MEGF10: variants seen among roughly 807,000 people sequenced by gnomAD.
MEGF10 encodes the protein multiple EGF like domains 10.
In MEGF10, 86 loss-of-function variants were observed where a neutral mutation model predicts 147.5. The observed-to-expected ratio is 0.58, with a 90% confidence interval of 0.49 to 0.70. The LOEUF is 0.70. Ranked by LOEUF, MEGF10 falls within the 30% of genes least tolerant of loss-of-function variation. MEGF10 has a pLI of 0.00. For missense variants in MEGF10, 1,329 were observed against 1,487.3 expected (o/e 0.89, Z 1.75); for synonymous variants, 478 against 525.5 (o/e 0.91, Z 1.24).
chr5:127,310,014 CTTT>C (rs748228107), intron 1 of MEGF10, among the ~76,000 whole-genome samples: 1,102 of 52,862 alleles, frequency 0.021, 306 homozygotes, highest in Non-Finnish European at 0.033. Context: ...TCCTTCCTTT[CTTT>C]TTTTCTTTCT....
intron 14 of MEGF10, 93 bp from the exon 15 acceptor site, chr5:127,434,594 T>A (rs1263475975): frequency 7.2e-7 from 1 of 1,382,958 alleles, no homozygotes; most frequent in East Asian, 2.5e-5. Context: ...AGGTTTTGCT[T>A]TTTAACCTCT....
At chr5:127,283,700 T>C in the MEGF10 span, among the ~76,000 whole-genome samples, 1 of 152,244 alleles carries the variant, frequency 6.6e-6, no homozygotes, top group South Asian at 2.1e-4. Flanking sequence ...CAGAACCTCA[T>C]ATTTAACAAA....
intron 1 of MEGF10, among the ~76,000 whole-genome samples, chr5:127,309,740 G>A (rs1407536055): frequency 6.6e-6 from 1 of 152,024 alleles, no homozygotes; most frequent in African/African-American, 2.4e-5. Context: ...GAATAGTGCT[G>A]CTGTGAACAT....
upstream of MEGF10, among the ~76,000 whole-genome samples, chr5:127,286,587 GA>G (rs1426462090): frequency 1.3e-5 from 2 of 151,734 alleles, no homozygotes; most frequent in Non-Finnish European, 2.9e-5. Flanking sequence ...GTAATTATTA[GA>G]GAGGAGTTTA....
chr5:127,310,408 A>G (rs1032114406), intron 1 of MEGF10, among the ~76,000 whole-genome samples: 3 of 151,956 alleles, frequency 2.0e-5, no homozygotes, highest in African/African-American at 7.3e-5. Context: ...AAATTTTTAA[A>G]TTGTGATGAA....
chr5:127,417,964 A>G, intron 10 of MEGF10, 152 bp downstream of exon 10: 2 of 791,950 alleles, frequency 2.5e-6, no homozygotes, highest in Non-Finnish European at 3.8e-6. Context: ...GAAAAATGCT[A>G]ATAGAGATAT....
chr5:127,377,301 A>G (rs1763068588), intron 5 of MEGF10, among the ~76,000 whole-genome samples: 1 of 152,194 alleles, frequency 6.6e-6, no homozygotes, highest in Admixed American at 6.5e-5. Context: ...CCAAACATCT[A>G]TAGAGAAATC....
chr5:127,380,805 CCG>C (rs954252638), intron 5 of MEGF10, among the ~76,000 whole-genome samples: 1 of 152,186 alleles, frequency 6.6e-6, no homozygotes, highest in Non-Finnish European at 1.5e-5. Flanking sequence ...GTGTGAGCCA[CCG>C]CGCCCAGCTG....
Position 127,445,489 on chromosome 5 carries a change from T to C in MEGF10, c.2524T>C (p.Leu842=), listed in dbSNP as rs1285933132. The C allele has an allele frequency of 1.2e-6, 2 of 1,614,208 alleles. No homozygotes were observed. Among genetic ancestry groups the C allele is most frequent in the Non-Finnish European group, 1.7e-6 (2 of 1,180,028 alleles). The change falls in exon 20 of 25, where the codon TTA becomes CTA. Residue 842 remains leucine (L), a synonymous_variant. Transcript: ENST00000503335. ...GVIIVGNLNS[L]SRTSTALPAD... ...TATCATAGTTGGAAATCTGAACAGC[T>C]TAAGCCGAACCAGTACTGCTCTCCC...
chr5:127,246,948 T>C, the MEGF10 span, among the ~76,000 whole-genome samples: 3 of 115,014 alleles, frequency 2.6e-5, no homozygotes, highest in Non-Finnish European at 5.2e-5. Context: ...TTATATTATA[T>C]ATAATAAATA....
chr5:127,419,096 A>C, intron 10 of MEGF10, 24 bp from the exon 11 acceptor site: 1 of 1,586,190 alleles, frequency 6.3e-7, no homozygotes, highest in Non-Finnish European at 8.5e-7. Context: ...AATTGAATGC[A>C]TTTTGCTACT....
At chr5:127,239,916 C>T in the MEGF10 span, among the ~76,000 whole-genome samples, 1 of 152,142 alleles carries the variant, frequency 6.6e-6, no homozygotes, top group Non-Finnish European at 1.5e-5. Context: ...TCTACCCAGC[C>T]CCAGCTACTA....
the MEGF10 span, among the ~76,000 whole-genome samples, chr5:127,283,682 T>C: frequency 6.6e-6 from 1 of 152,228 alleles, no homozygotes; most frequent in Non-Finnish European, 1.5e-5. Flanking sequence ...CCACCCTGGA[T>C]ACTGAATCAG....
At chr5:127,418,895 T>C (rs1467108837) in intron 10 of MEGF10, among the ~76,000 whole-genome samples, 1 of 152,236 alleles carries the variant, frequency 6.6e-6, no homozygotes, top group Non-Finnish European at 1.5e-5. Flanking sequence ...GCAAGCTTTT[T>C]TGGATCCCAT....
intron 12 of MEGF10, among the ~76,000 whole-genome samples, chr5:127,420,640 G>A (rs1362006129): frequency 6.6e-6 from 1 of 152,046 alleles, no homozygotes; most frequent in African/African-American, 2.4e-5. Flanking sequence ...TGGAAGTGTT[G>A]AAAGAAGGTT....
At chr5:127,414,165 T>A (rs1347811113) in intron 9 of MEGF10, among the ~76,000 whole-genome samples, 2 of 152,188 alleles carry the variant, frequency 1.3e-5, no homozygotes, top group African/African-American at 4.8e-5. Flanking sequence ...GTTGACCCCT[T>A]TATATGTGCC....
At chr5:127,297,179 C>T (rs1354984111) in intron 1 of MEGF10, among the ~76,000 whole-genome samples, 1 of 152,132 alleles carries the variant, frequency 6.6e-6, no homozygotes, top group Non-Finnish European at 1.5e-5. Context: ...ATTGGCCAGG[C>T]TGGTCTCGAA....
chr5:127,365,930 A>G (rs35524), intron 4 of MEGF10, among the ~76,000 whole-genome samples: 66,044 of 152,012 alleles, frequency 0.43, 14,686 homozygotes, highest in East Asian at 0.64. Context: ...CTTTGTACCT[A>G]TTCTTTATAT....
chr5:127,334,892 CA>C (rs1204154010), intron 2 of MEGF10, among the ~76,000 whole-genome samples: 5 of 152,074 alleles, frequency 3.3e-5, no homozygotes, highest in African/African-American at 9.7e-5. Flanking sequence ...ATTAAAGTAA[CA>C]AGATAATTTA....
Sources: gnomAD v4.1 joint callset for allele counts (sites outside exome capture counted in the v4.1 genomes callset) on GRCh38, gnomAD v4.1.1 for gene constraint, MANE v1.5 for transcripts, NCBI Gene and HGNC (gene_info 2026-07-23, HGNC 2026-07-21) for gene names.